DSG1: variants seen among roughly 807,000 people sequenced by gnomAD.
DSG1 encodes the protein desmoglein-1.
A neutral mutation model predicts 97.5 loss-of-function variants in DSG1; 39 were observed. The observed-to-expected ratio is 0.40, with a 90% CI of 0.31 to 0.52. The LOEUF is 0.52. DSG1 is among the 20% of genes least tolerant of loss of function. The pLI is 0.53. For missense variants in DSG1, 1,311 were observed against 1,295.4 expected (o/e 1.01, Z -0.18); for synonymous variants, 475 against 443.4 (o/e 1.07, Z -0.90).
chr18:31,318,832 T>TATCCAAATAAAGTC (rs2071636344), intron 1 of DSG1, among the ~76,000 whole-genome samples: 1 of 152,120 alleles, frequency 6.6e-6, no homozygotes, highest in East Asian at 1.9e-4. Context: ...CTGGTCTCGC[T>TATCCAAATAAAGTC]ATCCAAATAA....
rs1269726751 is a variant in DSG1 at position 31,355,995 on chromosome 18, G to C, written c.*649G>C. On this transcript the variant is annotated 3_prime_UTR_variant, in exon 15 of 15. Coordinates refer to ENST00000257192, the MANE Select transcript of DSG1 (RefSeq NM_001942.4). Reference sequence around the variant, plus strand: ...GGTTTCTTCAGGGTAAACTAGCAATGCCTGAGCCTGAACCTTAATGTGGGG... The same window carrying C: ...GGTTTCTTCAGGGTAAACTAGCAATCCCTGAGCCTGAACCTTAATGTGGGG... 1 of 153,194 alleles carries C rather than the reference G, an allele frequency of 6.5e-6. No homozygotes were observed. The highest frequency in any genetic ancestry group is 1.9e-4 in the East Asian group (1 of 5,194). The allele number at this position is 153,194 out of a possible 1,614,324, so 9.5% of individuals were successfully genotyped here.
intron 14 of DSG1, 31 bp from the exon 15 acceptor site, chr18:31,354,266 A>C: frequency 1.3e-6 from 2 of 1,594,532 alleles, no homozygotes; most frequent in Non-Finnish European, 1.7e-6. Flanking sequence ...TGCATTCATA[A>C]TTTCATTTTC....
intron 1 of DSG1, among the ~76,000 whole-genome samples, chr18:31,319,898 T>TG (rs34867111): frequency 0.4 from 60,519 of 151,666 alleles, 13,271 homozygotes; most frequent in Non-Finnish European, 0.49. Flanking sequence ...GTGCCTAGAT[T>TG]TTTTTTTGTT....
At chr18:31,350,898 G>C (rs1005703874) in intron 14 of DSG1, among the ~76,000 whole-genome samples, 1 of 150,494 alleles carries the variant, frequency 6.6e-6, no homozygotes, top group Non-Finnish European at 1.5e-5. Context: ...TATCAATTTT[G>C]TTGACCCTTT....
intron 1 of DSG1, among the ~76,000 whole-genome samples, chr18:31,320,870 T>C (rs2071649299): frequency 6.6e-6 from 1 of 152,300 alleles, no homozygotes; most frequent in African/African-American, 2.4e-5. Flanking sequence ...GGGATCTCTA[T>C]GGTTTTAATG....
rs371165240 is a variant in DSG1 at position 31,334,114 on chromosome 18, T to A, written c.917T>A (p.Val306Glu). 6.2e-7 allele frequency: 1 copy of A among 1,608,276 alleles called. No individual in the cohort carries two copies. Among genetic ancestry groups the A allele is most frequent in the South Asian group, 1.1e-5 (1 of 90,962 alleles). ...GAGTTCTCAGCTAACTGGATGGCAG[T>A]AATTTTCTTTATCTCTGGAAATGAA... ...DEEFSANWMAVIFFISGNEGN... is the reference protein window; with the variant it reads ...DEEFSANWMAEIFFISGNEGN... Residue 306 changes from valine (V) to glutamate (E), a missense_variant, in exon 8 of 15, where the codon GTA (valine) becomes GAA (glutamate). Val to Glu is a moderately radical substitution (Grantham distance 121). Transcript: ENST00000257192.
chr18:31,335,430 G>T (rs898255951), intron 8 of DSG1, among the ~76,000 whole-genome samples: 2 of 151,964 alleles, frequency 1.3e-5, no homozygotes, highest in Non-Finnish European at 2.9e-5. Flanking sequence ...CAACCTATCT[G>T]TCCTCAATAT....
At chr18:31,336,676 T>A in intron 9 of DSG1, 63 bp downstream of exon 9, 1 of 1,515,154 alleles carries the variant, frequency 6.6e-7, no homozygotes, top group Non-Finnish European at 9.1e-7. Flanking sequence ...ATGTTCTTTT[T>A]ATAGATTATA....
intron 1 of DSG1, among the ~76,000 whole-genome samples, chr18:31,325,014 C>T (rs1281943278): frequency 1.3e-5 from 2 of 152,158 alleles, no homozygotes; most frequent in East Asian, 1.9e-4. Context: ...TGGGGAAATA[C>T]GTTGAAGATT....
At chr18:31,347,017 T>A (rs1404505843) in intron 14 of DSG1, among the ~76,000 whole-genome samples, 1 of 152,166 alleles carries the variant, frequency 6.6e-6, no homozygotes, top group Non-Finnish European at 1.5e-5. Context: ...GAGATGCAAT[T>A]GTCCATGGTT....
chr18:31,318,392 T>C (rs994599021), intron 1 of DSG1, 44 bp downstream of exon 1: 1 of 1,544,958 alleles, frequency 6.5e-7, no homozygotes, highest in African/African-American at 1.4e-5. Context: ...GTGCCCATTG[T>C]AAACAAGTGA....
intron 1 of DSG1, among the ~76,000 whole-genome samples, chr18:31,319,110 T>C (rs991127453): frequency 6.6e-6 from 1 of 152,210 alleles, no homozygotes; most frequent in Non-Finnish European, 1.5e-5. Flanking sequence ...AAATACTTTA[T>C]CATTGCCCCC....
chr18:31,334,982 T>C (rs2071743060), intron 8 of DSG1, among the ~76,000 whole-genome samples: 1 of 152,164 alleles, frequency 6.6e-6, no homozygotes, highest in Non-Finnish European at 1.5e-5. Flanking sequence ...ATGCAATATA[T>C]AGTTTCATGG....
chr18:31,330,224 TGAG>T (rs376193003), intron 5 of DSG1, among the ~76,000 whole-genome samples, 188 bp downstream of exon 5: 571 of 152,052 alleles, frequency 3.8e-3, no homozygotes, highest in Non-Finnish European at 5.7e-3. Flanking sequence ...TCCAAAGCAA[TGAG>T]GAGGATTTTT....
rs147414301 is a variant in DSG1 at position 31,331,703 on chromosome 18, A to G, written c.520A>G (p.Thr174Ala). Residue 174 changes from threonine to alanine, a missense_variant and splice_region_variant, in exon 6 of 15, where the codon ACA becomes GCA. Transcript: ENST00000257192. ...AATCAATTTTCCTTAATTTCTAGAT[A>G]CACTGGTGATGATACTCAATGCTAC... ...GQIEENSNAN[T>A]LVMILNATDA... The G allele has an allele frequency of 1.2e-6, 2 of 1,612,178 alleles. No homozygotes were observed. The highest frequency in any genetic ancestry group is 2.7e-5 in the African/African-American group (2 of 74,856).
chr18:31,351,351 C>T (rs546352293), intron 14 of DSG1, among the ~76,000 whole-genome samples: 11,737 of 127,896 alleles, frequency 0.092, 602 homozygotes, highest in Middle Eastern at 0.21. Flanking sequence ...TTATAATTTC[C>T]GTTCTTTTAC....
intron 14 of DSG1, 120 bp from the exon 15 acceptor site, chr18:31,354,177 T>C: frequency 1.2e-6 from 1 of 820,002 alleles, no homozygotes; most frequent in Non-Finnish European, 2.0e-6. Flanking sequence ...TATGTTAAAA[T>C]CTTGTTTTAT....
At chr18:31,353,287 T>C (rs2144124197) in intron 14 of DSG1, among the ~76,000 whole-genome samples, 1 of 151,092 alleles carries the variant, frequency 6.6e-6, no homozygotes, top group Admixed American at 6.6e-5. Context: ...TGCTCGGGGG[T>C]CAGGGGTCAG....
chr18:31,319,115 G>A (rs2071638035), intron 1 of DSG1, among the ~76,000 whole-genome samples: 1 of 152,086 alleles, frequency 6.6e-6, no homozygotes, highest in Non-Finnish European at 1.5e-5. Flanking sequence ...CTTTATCATT[G>A]CCCCCTTACA....
Sources: allele counts gnomAD v4.1 joint callset (sites outside exome capture counted in the v4.1 genomes callset), GRCh38; gene constraint gnomAD v4.1.1; transcripts MANE v1.5; gene names NCBI Gene and HGNC (gene_info 2026-07-23, HGNC 2026-07-21).